ATG4A: variants seen among roughly 807,000 people sequenced by gnomAD.
The protein encoded by ATG4A is cysteine protease ATG4A.
ATG4A carries 22 observed loss-of-function variants against 38.4 expected under a neutral mutation model. The observed-to-expected ratio is 0.57, with a 90% CI of 0.41 to 0.82. The LOEUF (loss-of-function observed/expected upper bound fraction) is 0.82, where lower values mean the gene tolerates loss of function less well. Ranked by LOEUF, ATG4A falls within the 40% of genes least tolerant of loss-of-function variation. ATG4A has a pLI of 0.00. For missense variants in ATG4A, 220 were observed against 290.0 expected (o/e 0.76, Z 1.75); for synonymous variants, 86 against 100.7 (o/e 0.85, Z 0.88).
At chrX:108,108,292 C>G (rs1374422264) in intron 1 of ATG4A, among the ~76,000 whole-genome samples, 1 of 105,466 alleles carries the variant, frequency 9.5e-6, no homozygotes, top group African/African-American at 3.5e-5. Flanking sequence ...TCTTGAGATT[C>G]CTAGCCACCA....
At position 108,137,356 on chromosome X, in the gene ATG4A, C is replaced by T. The variant is rs1047806967; in HGVS notation, c.547+186C>T. Among the ~76,000 whole-genome samples the T allele has an allele frequency of 6.2e-5, 7 of 112,145 alleles. 1 individual carries two copies. Among genetic ancestry groups the T allele is most frequent in the South Asian group, 7.6e-4 (2 of 2,637 alleles). ...GAGAGGGAGAACACCATTAGAGGGG[C>T]CTTGCTCCTCCTCAGTGAGGTACCA... On this transcript the variant is annotated intron_variant, in intron 7 of 12. Coordinates refer to ENST00000372232, the MANE Select transcript of ATG4A (RefSeq NM_052936.5).
At chrX:108,094,727 TTCTTC>T (rs1479241022) in intron 1 of ATG4A, among the ~76,000 whole-genome samples, 4 of 112,309 alleles carry the variant, frequency 3.6e-5, no homozygotes, top group Non-Finnish European at 7.5e-5. Context: ...TAGAATTCTG[TTCTTC>T]TCTTAATAGT....
intron 4 of ATG4A, among the ~76,000 whole-genome samples, chrX:108,132,780 G>A (rs1351895529): frequency 1.9e-5 from 2 of 103,355 alleles, no homozygotes; most frequent in African/African-American, 7.1e-5. Flanking sequence ...GTGAGTTCTG[G>A]AAGTAGGGAG....
At chrX:108,120,239 G>A (rs763118913) in intron 1 of ATG4A, among the ~76,000 whole-genome samples, 1 of 112,169 alleles carries the variant, frequency 8.9e-6, no homozygotes, top group Non-Finnish European at 1.9e-5. Flanking sequence ...TACAAAGGCG[G>A]CATCCTCTGA....
chrX:108,151,772 C>T, intron 10 of ATG4A, 30 bp from the exon 11 acceptor site: 1 of 1,200,221 alleles, frequency 8.3e-7, no homozygotes, highest in South Asian at 1.8e-5. Flanking sequence ...AAAGGTAATT[C>T]TAAGTTGTGT....
At chrX:108,114,346 T>C (rs896155597) in intron 1 of ATG4A, among the ~76,000 whole-genome samples, 1 of 111,858 alleles carries the variant, frequency 8.9e-6, no homozygotes. Context: ...CTCTATTTTA[T>C]GGCTGAGGGA....
At chrX:108,096,666 A>T (rs1014323916) in intron 1 of ATG4A, among the ~76,000 whole-genome samples, 8 of 109,683 alleles carry the variant, frequency 7.3e-5, no homozygotes, top group Non-Finnish European at 1.5e-4. Flanking sequence ...ATTTTATTTT[A>T]TTATTTTATT....
At chrX:108,126,871 G>T in intron 2 of ATG4A, 2 of 710,621 alleles carry the variant, frequency 2.8e-6, no homozygotes, top group South Asian at 4.6e-5. Context: ...GAAAGAGGCA[G>T]CTCTGAGATT....
intron 1 of ATG4A, among the ~76,000 whole-genome samples, chrX:108,114,199 T>A (rs965887105): frequency 2.7e-5 from 3 of 112,085 alleles, no homozygotes; most frequent in African/African-American, 6.5e-5. Context: ...GTACTTTTTT[T>A]ATTGGCTACA....
chrX:108,137,618 G>A (rs2033140225), intron 7 of ATG4A, among the ~76,000 whole-genome samples, 186 bp from the exon 8 acceptor site: 1 of 111,775 alleles, frequency 8.9e-6, no homozygotes, highest in South Asian at 3.8e-4. Context: ...AGAATGAAGA[G>A]CATGAGCCCT....
At chrX:108,123,720 G>A (rs765935821) in intron 1 of ATG4A, among the ~76,000 whole-genome samples, 1 of 112,025 alleles carries the variant, frequency 8.9e-6, no homozygotes, top group African/African-American at 3.3e-5. Flanking sequence ...GGGGTGAAGT[G>A]CAAGAGTAAA....
rs60886281 is a variant in ATG4A, at chrX:108,148,020, A to AATATATATATAT, written c.815-2087_815-2076dup. Among the ~76,000 whole-genome samples, 89 of 80,051 alleles carry AATATATATATAT rather than the reference A, an allele frequency of 1.1e-3. 1 individual carries two copies. The highest frequency in any genetic ancestry group is 1.4e-3 in the Non-Finnish European group (57 of 42,134). 69.5% of individuals were successfully genotyped at this position (80,051 alleles called of 115,157 possible). A position where few individuals can be genotyped will look rare whatever the true frequency, so the allele number is the denominator to read the frequency against. ...CTCTAGAGGGACAGAACTAATGGAA[A>AATATATATATAT]ATATATATATATATATATATATATA... On this transcript the variant is annotated intron_variant, in intron 9 of 12. Transcript: ENST00000372232.
chrX:108,153,558 T>C (rs2033638884), intron 12 of ATG4A, 84 bp from the exon 13 acceptor site: 1 of 742,735 alleles, frequency 1.3e-6, no homozygotes, highest in Admixed American at 2.5e-5. Context: ...AAATGCTTAG[T>C]CTTAACTACT....
At chrX:108,091,900 C>T in intron 1 of ATG4A, 64 bp downstream of exon 1, 1 of 1,202,852 alleles carries the variant, frequency 8.3e-7, no homozygotes, top group Non-Finnish European at 1.1e-6. Flanking sequence ...GCTGGCGGGT[C>T]GTTGAGTCGG....
intron 1 of ATG4A, among the ~76,000 whole-genome samples, chrX:108,113,759 C>G (rs1240801813): frequency 1.8e-5 from 2 of 111,744 alleles, no homozygotes; most frequent in Non-Finnish European, 3.8e-5. Flanking sequence ...AACCCATCAG[C>G]TCTCATGAGA....
chrX:108,141,079 T>TAC (rs2033273191), intron 9 of ATG4A, among the ~76,000 whole-genome samples: 2 of 67,791 alleles, frequency 3.0e-5, no homozygotes, highest in Non-Finnish European at 5.4e-5. Flanking sequence ...TACATATATA[T>TAC]ATATATATAT....
intron 1 of ATG4A, among the ~76,000 whole-genome samples, chrX:108,115,763 A>T (rs2032490381): frequency 1.8e-5 from 2 of 112,307 alleles, no homozygotes; most frequent in South Asian, 7.5e-4. Flanking sequence ...TAAATCTAGG[A>T]GTAGACTCAC....
At chrX:108,129,564 T>C (rs977017187) in intron 3 of ATG4A, among the ~76,000 whole-genome samples, 1 of 109,838 alleles carries the variant, frequency 9.1e-6, no homozygotes, top group Non-Finnish European at 1.9e-5. Flanking sequence ...ACTTTTCTTT[T>C]CTTTCTTTTT....
At chrX:108,143,782 G>A (rs370612937) in intron 9 of ATG4A, 2 of 197,537 alleles carry the variant, frequency 1.0e-5, no homozygotes, top group East Asian at 2.3e-4. Context: ...CTGATGGTGA[G>A]TGGTGCCACT....
Sources: gnomAD v4.1 joint callset for allele counts (sites outside exome capture counted in the v4.1 genomes callset) on GRCh38, gnomAD v4.1.1 for gene constraint, MANE v1.5 for transcripts, NCBI Gene and HGNC (gene_info 2026-07-23, HGNC 2026-07-21) for gene names.